Variants in TBC1D19 observed in about 807,000 individuals in gnomAD.
TBC1D19 encodes TBC1 domain family, member 19.
Under a neutral mutation model 89.0 loss-of-function variants are expected in TBC1D19, and 60 were observed. That is an observed-to-expected ratio of 0.67 (90% confidence interval 0.55 to 0.84). The LOEUF is 0.84. Ranked by LOEUF, TBC1D19 falls within the 40% of genes least tolerant of loss-of-function variation. TBC1D19 has a pLI of 0.00. For missense variants in TBC1D19, 500 were observed against 610.8 expected, an observed-to-expected ratio of 0.82 and a Z score of 1.91; for synonymous variants, 189 against 199.7, an observed-to-expected ratio of 0.95 and a Z score of 0.45.
At chr4:26,804,927 C>T in the TBC1D19 span, among the ~76,000 whole-genome samples, 11 of 152,238 alleles carry the variant, frequency 7.2e-5, no homozygotes, top group Middle Eastern at 6.8e-3. Flanking sequence ...CAGGAGCAAG[C>T]GGAACATGGC....
chr4:26,858,408 G>A, the TBC1D19 span: 3 of 85,564 alleles, frequency 3.5e-5, no homozygotes, highest in Non-Finnish European at 8.0e-5. Context: ...GACAGGGAAG[G>A]AGAGAAAGCT....
chr4:26,856,936 T>A, the TBC1D19 span, among the ~76,000 whole-genome samples: 1 of 152,220 alleles, frequency 6.6e-6, no homozygotes, highest in African/African-American at 2.4e-5. Flanking sequence ...TAAAAAACTA[T>A]GTTAGTTAAA....
chr4:26,759,914 A>G (rs993757283), downstream of TBC1D19, among the ~76,000 whole-genome samples: 6 of 152,218 alleles, frequency 3.9e-5, no homozygotes, highest in African/African-American at 1.4e-4. Flanking sequence ...CAGCTACTAT[A>G]AACATTTGTG....
chr4:26,601,170 T>C (rs1332543401), intron 1 of TBC1D19, among the ~76,000 whole-genome samples: 3 of 152,054 alleles, frequency 2.0e-5, no homozygotes, highest in Non-Finnish European at 2.9e-5. Context: ...GAGAGACATA[T>C]ATAAGCAATA....
chr4:26,704,618 A>C (rs1715588948), intron 13 of TBC1D19, among the ~76,000 whole-genome samples: 1 of 152,154 alleles, frequency 6.6e-6, no homozygotes, highest in Non-Finnish European at 1.5e-5. Context: ...TGCTAGCAAA[A>C]GAAGATATTT....
Position 26,742,447 on chromosome 4 carries a change from GC to G in TBC1D19, c.1228-60del, listed in dbSNP as rs1376178577. 6 of 1,331,354 alleles carry G rather than the reference GC, an allele frequency of 4.5e-6. No homozygotes were observed. The African/African-American group carries it at 9.0e-5, about 20-fold the overall frequency. The allele number at this position is 1,331,354 out of a possible 1,614,324, so 82.5% of individuals were successfully genotyped here. The stretch of plus-strand genomic sequence containing the variant: ...CATTTTCCATTTGAATAATTTGTTG[GC>G]ATAGTTAATTTTTAAATATTAAAAT... On this transcript the variant is annotated intron_variant, in intron 17 of 20. Coordinates refer to ENST00000264866, the MANE Select transcript of TBC1D19 (RefSeq NM_018317.4).
At chr4:26,626,609 C>A (rs28695240) in intron 4 of TBC1D19, among the ~76,000 whole-genome samples, 6,471 of 152,138 alleles carry the variant, frequency 0.043, 473 homozygotes, top group African/African-American at 0.15. Flanking sequence ...GTCTGTTTAT[C>A]TAGCTCAGAA....
chr4:26,691,734 G>A (rs936042028), intron 13 of TBC1D19, among the ~76,000 whole-genome samples: 31 of 152,064 alleles, frequency 2.0e-4, no homozygotes, highest in Admixed American at 7.2e-4. Flanking sequence ...GCTTTATTAC[G>A]ATATTCACTT....
intron 12 of TBC1D19, among the ~76,000 whole-genome samples, chr4:26,686,507 T>C (rs1247008936): frequency 1.3e-5 from 2 of 152,188 alleles, no homozygotes; most frequent in Non-Finnish European, 1.5e-5. Flanking sequence ...CTAGTGTTTT[T>C]CAACCTTTCT....
chr4:26,630,093 T>C (rs977543122), intron 4 of TBC1D19, among the ~76,000 whole-genome samples: 6 of 151,772 alleles, frequency 4.0e-5, no homozygotes, highest in Non-Finnish European at 7.4e-5. Context: ...TTAAAAGTCA[T>C]TTTATTTACC....
chr4:26,666,290 A>T, intron 8 of TBC1D19, 43 bp from the exon 9 acceptor site: 2 of 1,507,434 alleles, frequency 1.3e-6, no homozygotes, highest in Non-Finnish European at 1.8e-6. Flanking sequence ...AATGTGCAGC[A>T]AAGTCTGAGA....
chr4:26,721,005 G>A (rs1309206824), intron 15 of TBC1D19, among the ~76,000 whole-genome samples: 6 of 152,028 alleles, frequency 3.9e-5, no homozygotes, highest in Non-Finnish European at 8.8e-5. Context: ...CTTTCATGGC[G>A]CTGTTCTCTC....
At chr4:26,771,453 AG>A in the TBC1D19 span, among the ~76,000 whole-genome samples, 2 of 152,210 alleles carry the variant, frequency 1.3e-5, no homozygotes, top group Non-Finnish European at 2.9e-5. Flanking sequence ...GAATAAAGAA[AG>A]GTGGTATATA....
the TBC1D19 span, among the ~76,000 whole-genome samples, chr4:26,818,521 G>T: frequency 6.6e-6 from 1 of 152,178 alleles, no homozygotes; most frequent in African/African-American, 2.4e-5. Context: ...CTCCCAAAGT[G>T]CTGGGATTAC....
intron 7 of TBC1D19, among the ~76,000 whole-genome samples, chr4:26,656,503 T>C (rs1744817969): frequency 6.6e-6 from 1 of 152,190 alleles, no homozygotes; most frequent in Non-Finnish European, 1.5e-5. Context: ...ATGTTTATAC[T>C]TACAGAAGTA....
intron 3 of TBC1D19, 38 bp downstream of exon 3, chr4:26,614,491 T>C (rs747336134): frequency 3.4e-6 from 5 of 1,466,340 alleles, no homozygotes; most frequent in Admixed American, 3.8e-5. Context: ...GTATTTTGTT[T>C]AGCTATATTT....
At chr4:26,782,758 C>A in the TBC1D19 span, among the ~76,000 whole-genome samples, 2 of 144,904 alleles carry the variant, frequency 1.4e-5, no homozygotes, top group Admixed American at 6.9e-5. Flanking sequence ...ATAAAACAAA[C>A]AAAAGAGTGT....
chr4:26,848,263 CAG>C, the TBC1D19 span, among the ~76,000 whole-genome samples: 1 of 152,218 alleles, frequency 6.6e-6, no homozygotes, highest in Admixed American at 6.5e-5. Context: ...GCTACTTGAG[CAG>C]AGACATCAGT....
the TBC1D19 span, among the ~76,000 whole-genome samples, chr4:26,770,260 G>A: frequency 1.3e-5 from 2 of 152,086 alleles, no homozygotes; most frequent in African/African-American, 4.8e-5. Flanking sequence ...GTAAAAGGGT[G>A]AGAAAAGATC....
Sources: allele counts gnomAD v4.1 joint callset (sites outside exome capture counted in the v4.1 genomes callset), GRCh38; gene constraint gnomAD v4.1.1; transcripts MANE v1.5; gene names NCBI Gene and HGNC (gene_info 2026-07-23, HGNC 2026-07-21).